The following HEATR4 variants were observed in gnomAD, a reference collection of about 807,000 sequenced individuals.
HEATR4 encodes the protein HEAT repeat-containing protein 4.
In HEATR4, 95 loss-of-function variants were observed where a neutral mutation model predicts 108.8. That is an observed-to-expected ratio of 0.87 (90% CI 0.74 to 1.04). The LOEUF (loss-of-function observed/expected upper bound fraction) is 1.04. HEATR4 is among the 50% of genes least tolerant of loss of function. The pLI is 0.00. For missense variants in HEATR4, 1,152 were observed against 1,253.8 expected, an observed-to-expected ratio of 0.92 and a Z score of 1.23; for synonymous variants, 443 against 459.4, an observed-to-expected ratio of 0.96 and a Z score of 0.46.
the HEATR4 span, chr14:73,592,253 A>G: frequency 6.2e-7 from 1 of 1,613,272 alleles, no homozygotes; most frequent in Non-Finnish European, 8.5e-7. Context: ...AGCGGGACGT[A>G]CAGATTCCTT....
rs1341500108 is a variant in HEATR4, at chr14:73,508,141, T to C, written c.1874A>G (p.Glu625Gly). ...CCGGTAATGGACACATACTGTCTTC[T>C]CACTCAGATAGCTCAGGAGGATATA... The part of the protein sequence containing the change: ...QSYILLSYLS[E>G]KTTLIHTMLA... The change falls in exon 9 of 18, where the codon GAG becomes GGG. Residue 625 changes from glutamate (E) to glycine (G), a missense_variant. Transcript: ENST00000553558. 4.3e-6 allele frequency: 7 copies of C among 1,613,988 alleles called. No homozygotes were observed. Among genetic ancestry groups the C allele is most frequent in the Non-Finnish European group, 5.1e-6 (6 of 1,179,938 alleles).
chr14:73,490,011 A>G (rs1030178924), intron 17 of HEATR4, among the ~76,000 whole-genome samples: 2 of 152,212 alleles, frequency 1.3e-5, no homozygotes, highest in African/African-American at 4.8e-5. Flanking sequence ...CTGCCGGTGG[A>G]ACATCCTGTT....
chr14:73,592,619 G>A, the HEATR4 span, among the ~76,000 whole-genome samples: 2 of 152,222 alleles, frequency 1.3e-5, no homozygotes, highest in Non-Finnish European at 2.9e-5. Flanking sequence ...TTGGGAGGCC[G>A]AGATGGGCGG....
chr14:73,570,671 G>C, the HEATR4 span, among the ~76,000 whole-genome samples: 3 of 152,020 alleles, frequency 2.0e-5, no homozygotes, highest in Non-Finnish European at 4.4e-5. Flanking sequence ...TTGGGAGGCC[G>C]AGGCCGGCGG....
the HEATR4 span, among the ~76,000 whole-genome samples, chr14:73,604,676 AGG>A: frequency 6.6e-6 from 1 of 151,746 alleles, no homozygotes; most frequent in Non-Finnish European, 1.5e-5. Flanking sequence ...TTAGTAGAGA[AGG>A]GGTTTCAACA....
rs1889240359 is a variant in HEATR4, at chr14:73,546,854, A to G, written c.-152+11897T>C. 1.9e-5 allele frequency among the ~76,000 whole-genome samples: 2 copies of G among 107,564 alleles called. 1 individual carries two copies. Among genetic ancestry groups the G allele is most frequent in the African/African-American group, 5.7e-5 (2 of 35,110 alleles). 70.6% of individuals were successfully genotyped at this position (107,564 alleles called of 152,430 possible). A position where few individuals can be genotyped will look rare whatever the true frequency, so the allele number is the denominator to read the frequency against. On this transcript the variant is annotated intron_variant, in intron 1 of 17. Transcript: ENST00000553558. ...GTAATCCCAGCACTTTGGGAGGCCGAGGCGGGCAGATCACCTGAGGTCAGG... is the reference window on the plus strand; with the variant it reads ...GTAATCCCAGCACTTTGGGAGGCCGGGGCGGGCAGATCACCTGAGGTCAGG...
intron 5 of HEATR4, among the ~76,000 whole-genome samples, chr14:73,516,569 G>A (rs1887611062): frequency 6.6e-6 from 1 of 151,496 alleles, no homozygotes; most frequent in Non-Finnish European, 1.5e-5. Flanking sequence ...AGTCCTTTGG[G>A]TTATAGCTGG....
Position 73,491,093 on chromosome 14 carries a change from A to G in HEATR4, c.2844+1973T>C, listed in dbSNP as rs769904946. 1.4e-5 allele frequency: 22 copies of G among 1,600,746 alleles called. 1 individual carries two copies. Among genetic ancestry groups the G allele is most frequent in the Middle Eastern group, 1.7e-4 (1 of 6,046 alleles). On this transcript the variant is annotated intron_variant, in intron 17 of 17. Transcript: ENST00000553558. ...GCGCCGGCGCAAGCCCCAGCCACACAGCGGGTCGGTCCTGGCCCTGCCCTT... is the reference window on the plus strand; with the variant it reads ...GCGCCGGCGCAAGCCCCAGCCACACGGCGGGTCGGTCCTGGCCCTGCCCTT...
chr14:73,519,674 G>C (rs568647557), intron 4 of HEATR4, among the ~76,000 whole-genome samples: 1 of 152,256 alleles, frequency 6.6e-6, no homozygotes, highest in East Asian at 1.9e-4. Flanking sequence ...AGTGAAGATA[G>C]CACCACTGCA....
At chr14:73,590,270 C>CTAGAT in the HEATR4 span, among the ~76,000 whole-genome samples, 1 of 152,184 alleles carries the variant, frequency 6.6e-6, no homozygotes, top group Non-Finnish European at 1.5e-5. Context: ...CACCTCCCCA[C>CTAGAT]TAGATTAGCT....
the HEATR4 span, among the ~76,000 whole-genome samples, chr14:73,566,941 C>T: frequency 6.6e-6 from 1 of 152,214 alleles, no homozygotes; most frequent in Non-Finnish European, 1.5e-5. Context: ...GCAGCTGGGA[C>T]TACAGGTGCC....
At chr14:73,585,504 G>A in the HEATR4 span, among the ~76,000 whole-genome samples, 1 of 151,986 alleles carries the variant, frequency 6.6e-6, no homozygotes, top group African/African-American at 2.4e-5. Context: ...GGGCAACATG[G>A]TGAGACCCCG....
chr14:73,478,609 G>C lies in HEATR4; in HGVS notation c.3078C>G (p.Leu1026=), dbSNP rs373442928. 1 of 1,601,388 alleles carries C rather than the reference G, an allele frequency of 6.2e-7. No individual in the cohort carries two copies. The highest frequency in any genetic ancestry group is 8.6e-7 in the Non-Finnish European group (1 of 1,168,682). Residue 1026 remains leucine (L), a synonymous_variant, in exon 18 of 18, where the codon CTC becomes CTG. Coordinates refer to ENST00000553558, the MANE Select transcript of HEATR4 (RefSeq NM_001220484.1). ...SSPSGKKGAH[L] ...TGAAGTAAGACAAGTGTTCAGCTTA[G>C]AGATGAGCACCTTTCTTTCCAGAGG... is the stretch of plus-strand genomic sequence containing the variant.
At chr14:73,592,516 A>G in the HEATR4 span, 2 of 1,343,284 alleles carry the variant, frequency 1.5e-6, no homozygotes, top group Non-Finnish European at 9.8e-7. Context: ...GAGCAAGATC[A>G]GAGAAGCTAA....
At chr14:73,586,079 ATTTATTT>A in the HEATR4 span, among the ~76,000 whole-genome samples, 3 of 151,268 alleles carry the variant, frequency 2.0e-5, no homozygotes, top group African/African-American at 4.8e-5. Context: ...TATGGAAAAC[ATTTATTT>A]TTTATTTTTA....
At chr14:73,614,918 G>A in the HEATR4 span, among the ~76,000 whole-genome samples, 1 of 151,298 alleles carries the variant, frequency 6.6e-6, no homozygotes, top group Non-Finnish European at 1.5e-5. Flanking sequence ...CCAACATGGT[G>A]AAACCCCGTC....
At chr14:73,572,913 T>C in the HEATR4 span, among the ~76,000 whole-genome samples, 2 of 150,976 alleles carry the variant, frequency 1.3e-5, no homozygotes, top group Non-Finnish European at 2.9e-5. Context: ...CCCAAAGTGC[T>C]GGGGTTACAG....
chr14:73,584,315 T>C, the HEATR4 span, among the ~76,000 whole-genome samples: 2 of 151,190 alleles, frequency 1.3e-5, no homozygotes, highest in Admixed American at 1.3e-4. Flanking sequence ...ACTTCCACTC[T>C]GCTCTGAAAC....
At chr14:73,591,859 C>T in the HEATR4 span, 9 of 1,189,276 alleles carry the variant, frequency 7.6e-6, no homozygotes, top group Admixed American at 4.2e-5. Flanking sequence ...CAGCTTCCGG[C>T]ACCAGGGGAC....
Sources: allele counts gnomAD v4.1 joint callset (sites outside exome capture counted in the v4.1 genomes callset), GRCh38; gene constraint gnomAD v4.1.1; transcripts MANE v1.5; gene names NCBI Gene and HGNC (gene_info 2026-07-23, HGNC 2026-07-21).